BDP1: variants seen among roughly 807,000 people sequenced by gnomAD.
The protein encoded by BDP1 is transcription factor TFIIIB component B'' homolog.
Under a neutral mutation model 266.6 loss-of-function variants are expected in BDP1, and 169 were observed. That is an observed-to-expected ratio of 0.63 (90% CI 0.56 to 0.72). The LOEUF (loss-of-function observed/expected upper bound fraction) is 0.72, where lower values mean the gene tolerates loss of function less well. Ranked by LOEUF, BDP1 falls within the 30% of genes least tolerant of loss-of-function variation. BDP1 has a pLI of 0.00. For missense variants in BDP1, 3,015 were observed against 3,053.8 expected (o/e 0.99, Z 0.30); for synonymous variants, 1,090 against 1,022.4 (o/e 1.07, Z -1.26).
At chr5:71,537,382 T>C (rs987386992) in intron 26 of BDP1, among the ~76,000 whole-genome samples, 4 of 152,160 alleles carry the variant, frequency 2.6e-5, no homozygotes, top group Non-Finnish European at 5.9e-5. Flanking sequence ...CTTAAAAGCA[T>C]GTACACTTAA....
At chr5:71,559,103 G>C (rs990088462) in intron 36 of BDP1, among the ~76,000 whole-genome samples, 1 of 152,104 alleles carries the variant, frequency 6.6e-6, no homozygotes, top group Non-Finnish European at 1.5e-5. Context: ...GCAGTGAGCC[G>C]AGATCGCGCC....
chr5:71,556,365 A>G (rs1035739086), intron 35 of BDP1, among the ~76,000 whole-genome samples: 3 of 152,118 alleles, frequency 2.0e-5, no homozygotes, highest in Non-Finnish European at 4.4e-5. Context: ...TTCCGATTTT[A>G]ATAGGAGAAC....
In BDP1 at chr5:71,524,189, G is replaced by A. The variant is rs1186795651; in HGVS notation, c.5638G>A (p.Asp1880Asn). The A allele has an allele frequency of 1.2e-6, 2 of 1,614,194 alleles. No individual in the cohort carries two copies. Among genetic ancestry groups the A allele is most frequent in the South Asian group, 1.1e-5 (1 of 91,086 alleles). Residue 1880 changes from aspartate (D) to asparagine (N), a missense_variant, in exon 25 of 39, where the codon GAT becomes AAT. Asp to Asn is a conservative substitution (Grantham distance 23). Around this residue, in one of 3 missense-constraint regions of BDP1, gnomAD observed 2,383 missense variants for 2,404.9 expected, o/e 0.99. Coordinates refer to ENST00000358731, the MANE Select transcript of BDP1 (RefSeq NM_018429.3). ...ASQEEDDDAD[D>N]FESDYEEESY... Reference sequence around the variant, plus strand: ...CCAGGAAGAAGATGATGATGCTGACGATTTTGAGTCTGACTATGAGGAAGA... The same window carrying A: ...CCAGGAAGAAGATGATGATGCTGACAATTTTGAGTCTGACTATGAGGAAGA...
In BDP1 at chr5:71,483,856, G is replaced by A. The variant is rs765235493; in HGVS notation, c.1029G>A (p.Arg343=). The A allele has an allele frequency of 1.2e-6, 2 of 1,610,812 alleles. No individual in the cohort carries two copies. Among genetic ancestry groups the A allele is most frequent in the South Asian group, 1.1e-5 (1 of 90,858 alleles). Residue 343 remains arginine, a synonymous_variant, in exon 8 of 39, where the codon CGG becomes CGA. Transcript: ENST00000358731. ...GTTGTTAACAGAATAAATTTAAACG[G>A]GAAGAGAAAACAAATGGATGGAGAA... is the stretch of plus-strand genomic sequence containing the variant. ...ARIEIKNKFK[R]EEKTNGWRID...
rs370792935 is a variant in BDP1 at position 71,510,847 on chromosome 5, T to C, written c.3755T>C (p.Ile1252Thr). Residue 1252 changes from isoleucine to threonine, a missense_variant, in exon 17 of 39, where the codon ATT becomes ACT. By Grantham distance (89) the Ile-to-Thr change is moderately conservative. Coordinates refer to ENST00000358731, the MANE Select transcript of BDP1 (RefSeq NM_018429.3). ...TTCAGTGCTATAAGGGAAAAGGAGA[T>C]TGATTTGAAAGAAACTGGAAAAAGA... is the stretch of plus-strand genomic sequence containing the variant. ...AEFSAIREKE[I>T]DLKETGKRDI... The C allele has an allele frequency of 5.7e-5, 92 of 1,613,022 alleles. 1 individual carries two copies. The African/African-American group carries it at 9.5e-4, about 17-fold the overall frequency.
At position 71,541,698 on chromosome 5, in the gene BDP1, C is replaced by T. The variant is rs769511904; in HGVS notation, c.6251+16C>T. Reference sequence around the variant, plus strand: ...CACCAACCAGGTTTATTTTAGTATTCAATTAATAAATATTACTAAAACCAC... The same window carrying T: ...CACCAACCAGGTTTATTTTAGTATTTAATTAATAAATATTACTAAAACCAC... On this transcript the variant is annotated intron_variant, in intron 29 of 38. Transcript: ENST00000358731. 1 of 1,441,580 alleles carries T rather than the reference C, an allele frequency of 6.9e-7. No homozygotes were observed. The highest frequency in any genetic ancestry group is 9.4e-7 in the Non-Finnish European group (1 of 1,059,644). 89.3% of individuals were successfully genotyped at this position (1,441,580 alleles called of 1,614,324 possible).
Position 71,524,013 on chromosome 5 carries a change from C to T in BDP1, c.5462C>T (p.Ser1821Phe), listed in dbSNP as rs377137428. 1 of 1,614,132 alleles carries T rather than the reference C, an allele frequency of 6.2e-7. No homozygotes were observed. Among genetic ancestry groups the T allele is most frequent in the Admixed American group, 1.7e-5 (1 of 60,026 alleles). The change falls in exon 25 of 39, where the codon TCT (serine) becomes TTT (phenylalanine). Residue 1821 changes from serine (S) to phenylalanine (F), a missense_variant. Around this residue, in one of 3 missense-constraint regions of BDP1, gnomAD observed 2,383 missense variants for 2,404.9 expected, o/e 0.99. Transcript: ENST00000358731. ...GGGAAAACAACTATCTCTTCTACAT[C>T]TGAGTATGAGAGAAATCGTGGTGAA... is the stretch of plus-strand genomic sequence containing the variant. ...LDGKTTISSTSEYERNRGERR... is the reference protein window; with the variant it reads ...LDGKTTISSTFEYERNRGERR...
rs1762168677 is a variant in BDP1 at position 71,470,411 on chromosome 5, T to G, written c.936T>G (p.Phe312Leu). 1 of 1,605,838 alleles carries G rather than the reference T, an allele frequency of 6.2e-7. No individual in the cohort carries two copies. Among genetic ancestry groups the G allele is most frequent in the Non-Finnish European group, 8.5e-7 (1 of 1,175,416 alleles). ...TTTTCACAGAAACAGATATGTTTTT[T>G]TTAGCCATCAGCATGGTAGGAACTG... is the stretch of plus-strand genomic sequence containing the variant. ...PWSNKETDMF[F>L]LAISMVGTDF... The change falls in exon 7 of 39, where the codon TTT (phenylalanine) becomes TTG (leucine). Residue 312 changes from phenylalanine to leucine, a missense_variant. Phe to Leu is a conservative substitution (Grantham distance 22). Coordinates refer to ENST00000358731, the MANE Select transcript of BDP1 (RefSeq NM_018429.3).
At chr5:71,535,897 C>T (rs184752897) in intron 26 of BDP1, among the ~76,000 whole-genome samples, 1 of 152,236 alleles carries the variant, frequency 6.6e-6, no homozygotes, top group Admixed American at 6.5e-5. Context: ...AATATGACCT[C>T]ATCTAAATTT....
In BDP1 at chr5:71,566,314, C is replaced by T. The variant is rs1488721273; in HGVS notation, c.*1429C>T. ...TTAAATTCTCAAGGAACACTTGGAT[C>T]TTTAAGCACGGAACATAATCATGAT... On this transcript the variant is annotated 3_prime_UTR_variant, in exon 39 of 39. Coordinates refer to ENST00000358731, the MANE Select transcript of BDP1 (RefSeq NM_018429.3). The T allele has an allele frequency of 2.0e-5, 3 of 152,494 alleles. No individual in the cohort carries two copies. Among genetic ancestry groups the T allele is most frequent in the Non-Finnish European group, 4.4e-5 (3 of 68,048 alleles). 9.4% of individuals were successfully genotyped at this position (152,494 alleles called of 1,614,324 possible).
At chr5:71,576,215 T>C in the BDP1 span, among the ~76,000 whole-genome samples, 119,122 of 152,082 alleles carry the variant, frequency 0.78, 47,326 homozygotes, top group East Asian at 0.88. Flanking sequence ...TGTTCCCAAG[T>C]CCCCAGCAGT....
rs1311644237 is a variant in BDP1 at position 71,566,419 on chromosome 5, A to G, written c.*1534A>G. 2 of 152,176 alleles carry G rather than the reference A, an allele frequency of 1.3e-5. No homozygotes were observed. The highest frequency in any genetic ancestry group is 4.8e-5 in the African/African-American group (2 of 41,444). 9.4% of individuals were successfully genotyped at this position (152,176 alleles called of 1,614,324 possible). A position where few individuals can be genotyped will look rare whatever the true frequency, so the allele number is the denominator to read the frequency against. On this transcript the variant is annotated 3_prime_UTR_variant, in exon 39 of 39. Coordinates refer to ENST00000358731, the MANE Select transcript of BDP1 (RefSeq NM_018429.3). ...ATTTAAGGTTTGTTTTAATTTCAAG[A>G]TTTGATTTTTTATACGTGTAATTCT...
chr5:71,458,293 T>C (rs1386216983), intron 1 of BDP1, among the ~76,000 whole-genome samples: 1 of 152,124 alleles, frequency 6.6e-6, no homozygotes, highest in East Asian at 1.9e-4. Flanking sequence ...TTCTGTAAGT[T>C]GGTTATTTGT....
rs1744087431 is a variant in BDP1 at position 71,567,226 on chromosome 5, A to G, written c.*2341A>G. The G allele has an allele frequency of 6.6e-6, 1 of 152,162 alleles. No homozygotes were observed. Among genetic ancestry groups the G allele is most frequent in the Non-Finnish European group, 1.5e-5 (1 of 68,016 alleles). The allele number at this position is 152,162 out of a possible 1,614,324, so 9.4% of individuals were successfully genotyped here. The stretch of plus-strand genomic sequence containing the variant: ...GGAGTTAGATTGCCATGATTAAACT[A>G]TTATTTATCCTTGTGTAATATTAGT... On this transcript the variant is annotated 3_prime_UTR_variant, in exon 39 of 39. Transcript: ENST00000358731.
intron 26 of BDP1, among the ~76,000 whole-genome samples, chr5:71,537,421 T>C (rs1203616543): frequency 6.6e-6 from 1 of 152,184 alleles, no homozygotes; most frequent in African/African-American, 2.4e-5. Context: ...ATTTCCTTCT[T>C]CTTAAAAATG....
rs375850328 is a variant in BDP1, at chr5:71,544,904, A to AAAAAAAAG, written c.6564-133_6564-132insAAAAAGAA. 264 of 442,740 alleles carry AAAAAAAAG rather than the reference A, an allele frequency of 6.0e-4. 6 individuals are homozygous for AAAAAAAAG. The highest frequency in any genetic ancestry group is 1.6e-3 in the South Asian group (67 of 41,688). 27.4% of individuals were successfully genotyped at this position (442,740 alleles called of 1,614,324 possible). ...CAAAAAAAAAAAAAAAAAAAAAAAA[A>AAAAAAAAG]AAGTCCTATTGCATTAAATATGTTT... On this transcript the variant is annotated intron_variant, in intron 31 of 38. Coordinates refer to ENST00000358731, the MANE Select transcript of BDP1 (RefSeq NM_018429.3).
At chr5:71,512,459 T>G in intron 18 of BDP1, 31 bp downstream of exon 18, 1 of 1,375,492 alleles carries the variant, frequency 7.3e-7, no homozygotes, top group Non-Finnish European at 9.7e-7. Flanking sequence ...AAAAAGATAT[T>G]AAGTTATAGT....
intron 13 of BDP1, among the ~76,000 whole-genome samples, chr5:71,500,786 T>C (rs1052940364): frequency 1.3e-5 from 2 of 151,858 alleles, no homozygotes; most frequent in African/African-American, 4.8e-5. Flanking sequence ...ATATTTAGTG[T>C]GATTCCATTT....
At chr5:71,477,366 C>G (rs1762655159) in intron 7 of BDP1, among the ~76,000 whole-genome samples, 1 of 152,008 alleles carries the variant, frequency 6.6e-6, no homozygotes, top group African/African-American at 2.4e-5. Context: ...CTAGGTTTGT[C>G]TCAAATTCCT....
Sources: allele counts gnomAD v4.1 joint callset (sites outside exome capture counted in the v4.1 genomes callset), GRCh38; gene constraint gnomAD v4.1.1; regional missense constraint gnomAD v4.1.1; transcripts MANE v1.5; gene names NCBI Gene and HGNC (gene_info 2026-07-23, HGNC 2026-07-21).